The following PEX14 variants were observed in gnomAD, a reference collection of about 807,000 sequenced individuals.
The protein encoded by PEX14 is peroxisomal membrane protein PEX14.
PEX14 carries 15 observed loss-of-function variants against 49.5 expected under a neutral mutation model. The observed-to-expected ratio is 0.30, with a 90% confidence interval of 0.20 to 0.47. The LOEUF (loss-of-function observed/expected upper bound fraction) is 0.47. PEX14 is among the 20% of genes least tolerant of loss of function. PEX14 has a pLI of 1.00. For missense variants in PEX14, 398 were observed against 494.8 expected, an observed-to-expected ratio of 0.80 and a Z score of 1.86; for synonymous variants, 210 against 212.7, an observed-to-expected ratio of 0.99 and a Z score of 0.11.
chr1:10,485,578 C>T (rs1470254845), intron 1 of PEX14, among the ~76,000 whole-genome samples: 2 of 151,380 alleles, frequency 1.3e-5, no homozygotes, highest in Non-Finnish European at 2.9e-5. Context: ...CTCTGCCTCC[C>T]AAAGTGCTGG....
At chr1:10,501,443 C>A (rs1286780636) in intron 2 of PEX14, among the ~76,000 whole-genome samples, 1 of 152,120 alleles carries the variant, frequency 6.6e-6, no homozygotes, top group Non-Finnish European at 1.5e-5. Flanking sequence ...GTAGCTGGGA[C>A]TACAGGCGCC....
chr1:10,525,753 G>A (rs1425635873), intron 2 of PEX14, among the ~76,000 whole-genome samples: 1 of 152,046 alleles, frequency 6.6e-6, no homozygotes, highest in African/African-American at 2.4e-5. Context: ...AGCTTCCCGA[G>A]TAGCTGGGAC....
intron 4 of PEX14, among the ~76,000 whole-genome samples, chr1:10,608,869 A>G (rs935882947): frequency 6.6e-6 from 1 of 152,174 alleles, no homozygotes; most frequent in Non-Finnish European, 1.5e-5. Context: ...TCAGCTTTAG[A>G]GTACTTCACC....
chr1:10,599,342 C>G lies in PEX14; in HGVS notation c.274C>G (p.Pro92Ala), dbSNP rs199525137. ...PATQVVPVQPPHLISQPYSPA... is the reference protein window; with the variant it reads ...PATQVVPVQPAHLISQPYSPA... Reference sequence around the variant, plus strand: ...CACACAGGTGGTTCCTGTCCAGCCCCCTCACCTCATATCTCAGCCATACAG... The same window carrying G: ...CACACAGGTGGTTCCTGTCCAGCCCGCTCACCTCATATCTCAGCCATACAG... The change falls in exon 4 of 9, where the codon CCT (proline) becomes GCT (alanine). Residue 92 changes from proline (P) to alanine (A), a missense_variant. Physicochemically the swap from Pro to Ala is conservative, Grantham distance 27. This residue lies in a region of PEX14 where 202 missense variants were observed against 298.5 expected (regional missense o/e 0.68). Transcript: ENST00000356607. 58 of 1,612,816 alleles carry G rather than the reference C, an allele frequency of 3.6e-5. No homozygotes were observed. The highest frequency in any genetic ancestry group is 1.6e-4 in the Middle Eastern group (1 of 6,082).
chr1:10,490,451 G>A (rs760030031), intron 1 of PEX14, among the ~76,000 whole-genome samples: 353 of 152,320 alleles, frequency 2.3e-3, no homozygotes, highest in Non-Finnish European at 3.8e-3. Flanking sequence ...ATCTGGGAAC[G>A]CCTTCCAGTT....
chr1:10,477,780 C>A (rs1323496168), intron 1 of PEX14, among the ~76,000 whole-genome samples: 1 of 152,216 alleles, frequency 6.6e-6, no homozygotes. Flanking sequence ...GCAATGTCAT[C>A]TCGGACAGAT....
intron 2 of PEX14, among the ~76,000 whole-genome samples, chr1:10,527,120 A>G (rs1638507525): frequency 6.6e-6 from 1 of 151,172 alleles, no homozygotes; most frequent in Non-Finnish European, 1.5e-5. Flanking sequence ...AGGCTGAGAC[A>G]GGAGAATCGC....
chr1:10,588,696 T>C (rs1640572137), intron 3 of PEX14, among the ~76,000 whole-genome samples: 2 of 152,164 alleles, frequency 1.3e-5, no homozygotes, highest in Admixed American at 6.5e-5. Flanking sequence ...ATCAGATCGA[T>C]GGTCATGGTA....
In PEX14 at chr1:10,494,859, G is replaced by A. The variant is rs1171778487; in HGVS notation, c.37-415G>A. 1.3e-5 allele frequency among the ~76,000 whole-genome samples: 2 copies of A among 152,170 alleles called. No homozygotes were observed. Among genetic ancestry groups the A allele is most frequent in the Non-Finnish European group, 2.9e-5 (2 of 68,036 alleles). On this transcript the variant is annotated intron_variant, in intron 1 of 8. Coordinates refer to ENST00000356607, the MANE Select transcript of PEX14 (RefSeq NM_004565.3). This position sits in a 1 kb window ranked among gnomAD's most constrained non-coding sequence, Gnocchi z 4.3. ...GTGGAATCTGGTTCTCCACTGCTGC[G>A]CGACTTTTCTTCCCAGTCCCCTGAC...
intron 3 of PEX14, among the ~76,000 whole-genome samples, chr1:10,589,758 C>G (rs1263520632): frequency 1.3e-5 from 2 of 152,150 alleles, no homozygotes; most frequent in Non-Finnish European, 2.9e-5. Flanking sequence ...TTCTTAGAAG[C>G]AAAATGATTG....
Position 10,512,111 on chromosome 1 carries a change from C to G in PEX14, c.84+16790C>G, listed in dbSNP as rs1183708773. ...AATAACTGGGACTACAGGCGCCTGC[C>G]CCCACGCTCGGCTAATTTTGGTATT... On this transcript the variant is annotated intron_variant, in intron 2 of 8. Transcript: ENST00000356607. The surrounding 1 kb of genome is among the most constrained non-coding windows in gnomAD (Gnocchi z 4.6). Among the ~76,000 whole-genome samples, 1 of 152,120 alleles carries G rather than the reference C, an allele frequency of 6.6e-6. No homozygotes were observed. The highest frequency in any genetic ancestry group is 1.5e-5 in the Non-Finnish European group (1 of 68,034).
chr1:10,623,181 C>G lies in PEX14; in HGVS notation c.487+60C>G, dbSNP rs182244071. On this transcript the variant is annotated intron_variant, in intron 6 of 8. Coordinates refer to ENST00000356607, the MANE Select transcript of PEX14 (RefSeq NM_004565.3). The surrounding 1 kb of genome is among the most constrained non-coding windows in gnomAD (Gnocchi z 4.4). ...CAGCCTTCTCCAAGCAGCCCCTTCT[C>G]TGCCCCTCCCCTCTCCCTCTGTCTC... 75 of 1,047,056 alleles carry G rather than the reference C, an allele frequency of 7.2e-5. No individual in the cohort carries two copies. The African/African-American group carries it at 1.2e-3, about 16-fold the overall frequency. The allele number at this position is 1,047,056 out of a possible 1,614,324, so 64.9% of individuals were successfully genotyped here. A position where few individuals can be genotyped will look rare whatever the true frequency, so the allele number is the denominator to read the frequency against.
At chr1:10,476,121 C>T (rs1570119695) in intron 1 of PEX14, among the ~76,000 whole-genome samples, 2 of 152,196 alleles carry the variant, frequency 1.3e-5, no homozygotes, top group African/African-American at 4.8e-5. Context: ...TTTTCAGCAA[C>T]TTACTAGTAT....
At chr1:10,573,516 A>C (rs972697063) in intron 3 of PEX14, among the ~76,000 whole-genome samples, 2 of 152,232 alleles carry the variant, frequency 1.3e-5, no homozygotes, top group African/African-American at 4.8e-5. Context: ...ATCCTTCCTC[A>C]TCAGGGTAAT....
chr1:10,491,503 G>C (rs140549748), intron 1 of PEX14, among the ~76,000 whole-genome samples: 1 of 148,400 alleles, frequency 6.7e-6, no homozygotes, highest in African/African-American at 2.6e-5. Flanking sequence ...GAGTAGCTGG[G>C]ACTATAGGAT....
intron 3 of PEX14, among the ~76,000 whole-genome samples, chr1:10,571,886 T>C (rs539176758): frequency 1.3e-4 from 20 of 152,276 alleles, no homozygotes; most frequent in African/African-American, 4.8e-4. Flanking sequence ...AATTTAAAAA[T>C]TTTCAGTTTT....
At chr1:10,562,437 C>T (rs1292423425) in intron 3 of PEX14, among the ~76,000 whole-genome samples, 1 of 152,150 alleles carries the variant, frequency 6.6e-6, no homozygotes, top group East Asian at 1.9e-4. Context: ...TCTTTACCCC[C>T]CTTAATTTGG....
At chr1:10,526,866 C>T (rs752503315) in intron 2 of PEX14, among the ~76,000 whole-genome samples, 1 of 152,008 alleles carries the variant, frequency 6.6e-6, no homozygotes, top group Admixed American at 6.5e-5. Flanking sequence ...GGTGGCATCC[C>T]GTTAGTAGCA....
chr1:10,556,956 T>G (rs1326895221), intron 3 of PEX14, among the ~76,000 whole-genome samples: 2 of 152,266 alleles, frequency 1.3e-5, no homozygotes, highest in South Asian at 4.2e-4. Flanking sequence ...TTAGAGTGCT[T>G]TGCCTTTTGG....
Sources: allele counts gnomAD v4.1 joint callset (sites outside exome capture counted in the v4.1 genomes callset), GRCh38; gene constraint gnomAD v4.1.1; regional missense constraint gnomAD v4.1.1; non-coding constraint Gnocchi (gnomAD v3.1); transcripts MANE v1.5; gene names NCBI Gene and HGNC (gene_info 2026-07-23, HGNC 2026-07-21).